RBM18: variants seen among roughly 807,000 people sequenced by gnomAD.
The protein encoded by RBM18 is RNA binding motif protein 18.
A neutral mutation model predicts 26.4 loss-of-function variants in RBM18; 18 were observed. The observed-to-expected ratio is 0.68, with a 90% CI of 0.47 to 1.01. The LOEUF is 1.01. RBM18 is among the 50% of genes least tolerant of loss of function. The pLI, the probability that RBM18 is intolerant of heterozygous loss-of-function variation, is 0.00. For missense variants in RBM18, 180 were observed against 219.2 expected (o/e 0.82, Z 1.13); for synonymous variants, 74 against 81.1 (o/e 0.91, Z 0.47).
In RBM18 at chr9:122,245,325, T is replaced by C; in HGVS notation, c.344A>G (p.Lys115Arg). ...ACTGATTGGAAGAATCTTATCATTC[T>C]TGTTATGATCATATCTCTGAAAATG... Reference protein sequence around the residue: ...HAQVKRYDHNKNDKILPISLE... With the variant: ...HAQVKRYDHNRNDKILPISLE... The change falls in exon 5 of 6, where the codon AAG becomes AGG. Residue 115 changes from lysine (K) to arginine (R), a missense_variant. Physicochemically the swap from Lys to Arg is conservative, Grantham distance 26. This residue lies in a region of RBM18 where 103 missense variants were observed against 102.8 expected (regional missense o/e 1.00). Transcript: ENST00000417201. 1 of 1,608,092 alleles carries C rather than the reference T, an allele frequency of 6.2e-7. No homozygotes were observed. Among genetic ancestry groups the C allele is most frequent in the South Asian group, 1.1e-5 (1 of 90,974 alleles).
intron 3 of RBM18, 83 bp downstream of exon 3, chr9:122,251,764 C>T (rs1211654651): frequency 7.6e-7 from 1 of 1,307,666 alleles, no homozygotes; most frequent in Non-Finnish European, 1.1e-6. Flanking sequence ...CAGGGAACTG[C>T]TATTCTAGTA....
At chr9:122,250,885 A>T (rs1412662416) in intron 3 of RBM18, among the ~76,000 whole-genome samples, 1 of 134,942 alleles carries the variant, frequency 7.4e-6, no homozygotes, top group Admixed American at 7.2e-5. Flanking sequence ...ATTTTATAAT[A>T]AAAAAACACT....
chr9:122,260,599 G>C lies in RBM18; in HGVS notation c.113+781C>G, dbSNP rs542546058. On this transcript the variant is annotated intron_variant, in intron 2 of 5. Transcript: ENST00000417201. The stretch of plus-strand genomic sequence containing the variant: ...CTCGGGCAAGGTACTTCTGTCTTTC[G>C]GGACTTGGTTTCCTCTATGTAGGAT... Among the ~76,000 whole-genome samples the C allele has an allele frequency of 1.7e-3, 259 of 152,220 alleles. 1 individual carries two copies. Among genetic ancestry groups the C allele is most frequent in the Non-Finnish European group, 2.9e-3 (194 of 68,012 alleles).
rs570995442 is a variant in RBM18 at position 122,261,294 on chromosome 9, CCACACCCCT to C, written c.113+77_113+85del. 7.3e-4 allele frequency: 651 copies of C among 897,584 alleles called. 2 individuals are homozygous for C. The highest frequency in any genetic ancestry group is 1.1e-3 in the Non-Finnish European group (573 of 532,964). The allele number at this position is 897,584 out of a possible 1,614,324, so 55.6% of individuals were successfully genotyped here. A position where few individuals can be genotyped will look rare whatever the true frequency, so the allele number is the denominator to read the frequency against. On this transcript the variant is annotated intron_variant, in intron 2 of 5. Transcript: ENST00000417201. ...GTAAGTAAAAGGGTCTAAGTATATCCCACACCCCTTGAAAATTCTTCTTGACATCATCAC... is the reference window on the plus strand; with the variant it reads ...GTAAGTAAAAGGGTCTAAGTATATCCTGAAAATTCTTCTTGACATCATCAC...
chr9:122,251,293 A>C (rs1003371730), intron 3 of RBM18, among the ~76,000 whole-genome samples: 1 of 152,206 alleles, frequency 6.6e-6, no homozygotes, highest in Admixed American at 6.5e-5. Flanking sequence ...TAACAATCAA[A>C]TTCAATTTCT....
In RBM18 at chr9:122,241,615, T is replaced by C. The variant is rs1831423065; in HGVS notation, c.*269A>G. 3.1e-6 allele frequency: 1 copy of C among 326,816 alleles called. No homozygotes were observed. The highest frequency in any genetic ancestry group is 5.1e-5 in the East Asian group (1 of 19,434). The allele number at this position is 326,816 out of a possible 1,614,324, so 20.2% of individuals were successfully genotyped here. On this transcript the variant is annotated 3_prime_UTR_variant, in exon 6 of 6. Transcript: ENST00000417201. Reference sequence around the variant, plus strand: ...GCACACTATAGAATGTTTCTGGAGTTACAAATCCAAACCAACCAGCCAATT... The same window carrying C: ...GCACACTATAGAATGTTTCTGGAGTCACAAATCCAAACCAACCAGCCAATT...
At position 122,241,763 on chromosome 9, in the gene RBM18, C is replaced by A; in HGVS notation, c.*121G>T. ...AGAACATCCAAAAACATTATGTTAC[C>A]AAATGCTAACATGTGATTGTGCTCC... On this transcript the variant is annotated 3_prime_UTR_variant, in exon 6 of 6. Coordinates refer to ENST00000417201, the MANE Select transcript of RBM18 (RefSeq NM_033117.4). 5.0e-6 allele frequency: 4 copies of A among 797,462 alleles called. No homozygotes were observed. Among genetic ancestry groups the A allele is most frequent in the Non-Finnish European group, 8.0e-6 (4 of 501,518 alleles). 49.4% of individuals were successfully genotyped at this position (797,462 alleles called of 1,614,324 possible).
intron 1 of RBM18, among the ~76,000 whole-genome samples, chr9:122,261,924 C>G (rs1214024480): frequency 1.3e-5 from 2 of 152,116 alleles, no homozygotes; most frequent in East Asian, 3.9e-4. Context: ...ATCCCTTTTC[C>G]TCATGGAAGA....
In RBM18 at chr9:122,244,142, TAA is replaced by T. The variant is rs11317765; in HGVS notation, c.413+1112_413+1113del. Among the ~76,000 whole-genome samples the T allele has an allele frequency of 1.2e-3, 185 of 149,442 alleles. 3 individuals are homozygous for T. The highest frequency in any genetic ancestry group is 3.7e-3 in the African/African-American group (150 of 40,842). On this transcript the variant is annotated intron_variant, in intron 5 of 5. Coordinates refer to ENST00000417201, the MANE Select transcript of RBM18 (RefSeq NM_033117.4). Reference sequence around the variant, plus strand: ...TCCCTTAATTCCCTAGAGCACGAAATAAAAAAAAAAAATCATATTAAACTTAA... The same window carrying T: ...TCCCTTAATTCCCTAGAGCACGAAATAAAAAAAAAATCATATTAAACTTAA...
chr9:122,250,141 T>C (rs184899755), intron 3 of RBM18, among the ~76,000 whole-genome samples: 1 of 151,458 alleles, frequency 6.6e-6, no homozygotes, highest in South Asian at 2.1e-4. Flanking sequence ...CTTGAACAAT[T>C]AGAGTAACAA....
Position 122,241,891 on chromosome 9 carries a change from C to T in RBM18, c.566G>A (p.Arg189Gln), listed in dbSNP as rs146365190. 19 of 1,610,948 alleles carry T rather than the reference C, an allele frequency of 1.2e-5. No homozygotes were observed. The highest frequency in any genetic ancestry group is 3.3e-5 in the South Asian group (3 of 90,170). The change falls in exon 6 of 6, where the codon CGA becomes CAA. Residue 189 changes from arginine to glutamine, a missense_variant. Coordinates refer to ENST00000417201, the MANE Select transcript of RBM18 (RefSeq NM_033117.4). ...TPYSRTAWKS[R>Q]R is the part of the protein sequence containing the mutation. Reference sequence around the variant, plus strand: ...TACAGTAATTCACAACCATCATCTTCGAGATTTCCATGCTGTTCTAGAATA... The same window carrying T: ...TACAGTAATTCACAACCATCATCTTTGAGATTTCCATGCTGTTCTAGAATA...
intron 2 of RBM18, among the ~76,000 whole-genome samples, chr9:122,256,550 T>G (rs1831701048): frequency 6.6e-6 from 1 of 152,230 alleles, no homozygotes; most frequent in African/African-American, 2.4e-5. Flanking sequence ...GGATGGCACT[T>G]ATAATGATAT....
At chr9:122,261,604 A>ATG in intron 1 of RBM18, 96 bp from the exon 2 acceptor site, 2 of 845,312 alleles carry the variant, frequency 2.4e-6, no homozygotes, top group Non-Finnish European at 1.9e-6. Context: ...CAAGGAGGGC[A>ATG]TGCCCTCTGG....
intron 1 of RBM18, among the ~76,000 whole-genome samples, chr9:122,261,895 T>C (rs1165677908): frequency 6.6e-6 from 1 of 152,106 alleles, no homozygotes; most frequent in Non-Finnish European, 1.5e-5. Flanking sequence ...AAGGGATGGG[T>C]AGGGAAGAGC....
rs1831376732 is a variant in RBM18, at chr9:122,239,398, A to G, written c.*2486T>C. The G allele has an allele frequency of 1.3e-5, 2 of 152,224 alleles. 1 individual carries two copies. Among genetic ancestry groups the G allele is most frequent in the Non-Finnish European group, 2.9e-5 (2 of 68,038 alleles). 9.4% of individuals were successfully genotyped at this position (152,224 alleles called of 1,614,324 possible). On this transcript the variant is annotated 3_prime_UTR_variant, in exon 6 of 6. Coordinates refer to ENST00000417201, the MANE Select transcript of RBM18 (RefSeq NM_033117.4). ...TCCCCAGTACTAAGATACCAATTAT[A>G]GAAAATCAACTGGTTAGGATTACAT...
At chr9:122,249,292 G>C (rs908585782) in intron 3 of RBM18, among the ~76,000 whole-genome samples, 1 of 152,080 alleles carries the variant, frequency 6.6e-6, no homozygotes, top group Non-Finnish European at 1.5e-5. Flanking sequence ...GAGGCCAAAA[G>C]AAGTTAGGAG....
At chr9:122,256,435 A>G (rs1365007927) in intron 2 of RBM18, among the ~76,000 whole-genome samples, 3 of 152,216 alleles carry the variant, frequency 2.0e-5, no homozygotes, top group Non-Finnish European at 4.4e-5. Flanking sequence ...TACACAGCAC[A>G]TCTAATACTT....
chr9:122,243,698 G>A, intron 5 of RBM18: 1 of 984,104 alleles, frequency 1.0e-6, no homozygotes, highest in Non-Finnish European at 1.2e-6. Flanking sequence ...ACATGGGCGA[G>A]AAATTTAAAA....
chr9:122,254,307 G>A (rs1831653978), intron 2 of RBM18: 2 of 963,328 alleles, frequency 2.1e-6, no homozygotes, highest in South Asian at 9.6e-5. Flanking sequence ...TTAGGTTTGT[G>A]TCTTTCAACT....
Sources: gnomAD v4.1 joint callset for allele counts (sites outside exome capture counted in the v4.1 genomes callset) on GRCh38, gnomAD v4.1.1 for gene constraint, gnomAD v4.1.1 regional missense constraint, MANE v1.5 for transcripts, NCBI Gene and HGNC (gene_info 2026-07-23, HGNC 2026-07-21) for gene names.